ELAPOR2: variants seen among roughly 807,000 people sequenced by gnomAD.
The protein encoded by ELAPOR2 is endosome/lysosome-associated apoptosis and autophagy regulator family member 2.
Under a neutral mutation model 120.7 loss-of-function variants are expected in ELAPOR2, and 89 were observed. That is an observed-to-expected ratio of 0.74 (90% CI 0.62 to 0.88). ELAPOR2 has a LOEUF of 0.88. Ranked by LOEUF, ELAPOR2 falls within the 40% of genes least tolerant of loss-of-function variation. The pLI, the probability that ELAPOR2 is intolerant of heterozygous loss-of-function variation, is 0.00. For missense variants in ELAPOR2, 1,134 were observed against 1,251.6 expected, an observed-to-expected ratio of 0.91 and a Z score of 1.42; for synonymous variants, 444 against 444.9, an observed-to-expected ratio of 1.00 and a Z score of 0.03.
Position 86,987,265 on chromosome 7 carries a change from C to A in ELAPOR2, c.190-22241G>T, listed in dbSNP as rs187141561. On this transcript the variant is annotated intron_variant, in intron 1 of 21. Transcript: ENST00000450689. ...ACCCTAGAAGAAAACCTAGGCAATA[C>A]CATTCAGGACATAGGCATGGGAAAG... Among the ~76,000 whole-genome samples the A allele has an allele frequency of 3.8e-3, 581 of 152,220 alleles. 1 individual carries two copies. The highest frequency in any genetic ancestry group is 6.0e-3 in the Non-Finnish European group (409 of 67,994).
chr7:87,059,372 C>T lies in ELAPOR2; in HGVS notation c.142G>A (p.Gly48Arg). The T allele has an allele frequency of 8.0e-7, 1 of 1,245,856 alleles. No individual in the cohort carries two copies. The highest frequency in any genetic ancestry group is 1.0e-6 in the Non-Finnish European group (1 of 988,136). 77.2% of individuals were successfully genotyped at this position (1,245,856 alleles called of 1,614,324 possible). ...ALAGCQAAWA[G>R]DLPSSSSRPL... ...CGGCTGGAGGAGGAGGGCAGGTCCC[C>T]AGCCCAGGCCGCCTGGCAGCCGGCG... is the stretch of plus-strand genomic sequence containing the variant. The change falls in exon 1 of 22, where the codon GGG (glycine) becomes AGG (arginine). Residue 48 changes from glycine to arginine, a missense_variant. Gly to Arg is a moderately radical substitution (Grantham distance 125). Transcript: ENST00000450689.
intron 1 of ELAPOR2, among the ~76,000 whole-genome samples, chr7:87,042,466 C>T (rs935932009): frequency 4.6e-5 from 7 of 151,536 alleles, no homozygotes; most frequent in African/African-American, 1.7e-4. Flanking sequence ...TCACTCAAAA[C>T]CGCTCAACTA....
At chr7:87,016,538 G>A (rs943659306) in intron 1 of ELAPOR2, among the ~76,000 whole-genome samples, 1 of 151,720 alleles carries the variant, frequency 6.6e-6, no homozygotes, top group South Asian at 2.1e-4. Flanking sequence ...GAAATCACAG[G>A]AGAAAAGAGC....
At chr7:87,058,372 A>C (rs1344390509) in intron 1 of ELAPOR2, among the ~76,000 whole-genome samples, 1 of 152,222 alleles carries the variant, frequency 6.6e-6, no homozygotes, top group African/African-American at 2.4e-5. Context: ...ATCTTCCTAA[A>C]AACAGTATCT....
At chr7:87,039,401 C>G (rs1794688838) in intron 1 of ELAPOR2, among the ~76,000 whole-genome samples, 1 of 152,162 alleles carries the variant, frequency 6.6e-6, no homozygotes, top group Non-Finnish European at 1.5e-5. Context: ...CTTCCAAACT[C>G]ATTCTACAAG....
chr7:86,912,257 G>C lies in ELAPOR2; in HGVS notation c.1996-12C>G. ...CAAACCGAATGGTCCTTTGATTAAA[G>C]ATAAAGAAACAATATAGCAGGAAAG... is the stretch of plus-strand genomic sequence containing the variant. On this transcript the variant is annotated splice_polypyrimidine_tract_variant and intron_variant, in intron 14 of 21. Coordinates refer to ENST00000450689, the MANE Select transcript of ELAPOR2 (RefSeq NM_001142749.3). The C allele has an allele frequency of 1.5e-5, 23 of 1,560,198 alleles. No individual in the cohort carries two copies. Among genetic ancestry groups the C allele is most frequent in the Non-Finnish European group, 2.0e-5 (23 of 1,140,518 alleles).
intron 2 of ELAPOR2, among the ~76,000 whole-genome samples, chr7:86,963,236 A>C (rs1490489208): frequency 4.6e-5 from 7 of 152,224 alleles, no homozygotes. Context: ...TGCTTGCTAG[A>C]GTGTCATATT....
At chr7:86,924,750 T>G (rs1584356540) in intron 10 of ELAPOR2, among the ~76,000 whole-genome samples, 2 of 149,888 alleles carry the variant, frequency 1.3e-5, no homozygotes, top group South Asian at 4.2e-4. Flanking sequence ...TCAAGCTTTT[T>G]TTTTTGAATA....
chr7:86,941,905 T>C (rs1790810676), intron 5 of ELAPOR2, 113 bp downstream of exon 5: 1 of 614,584 alleles, frequency 1.6e-6, no homozygotes. Context: ...TCTTAAAATA[T>C]ACTTTTCTTA....
intron 7 of ELAPOR2, 111 bp downstream of exon 7, chr7:86,938,697 T>C (rs891050607): frequency 4.9e-6 from 5 of 1,022,298 alleles, no homozygotes; most frequent in Non-Finnish European, 7.4e-6. Flanking sequence ...TCCAGCACTT[T>C]GGTTTCAGGC....
intron 9 of ELAPOR2, 65 bp downstream of exon 9, chr7:86,926,670 TG>T: frequency 7.2e-7 from 1 of 1,386,366 alleles, no homozygotes; most frequent in Non-Finnish European, 9.7e-7. Flanking sequence ...ATTTAGAAAA[TG>T]GTCACAGTAG....
intron 1 of ELAPOR2, among the ~76,000 whole-genome samples, chr7:86,977,929 A>C (rs1481763893): frequency 6.6e-6 from 1 of 152,232 alleles, no homozygotes; most frequent in Non-Finnish European, 1.5e-5. Context: ...AATATGGATA[A>C]GGATGGCTTT....
chr7:86,901,053 A>C (rs1788701195), intron 18 of ELAPOR2, among the ~76,000 whole-genome samples: 1 of 152,210 alleles, frequency 6.6e-6, no homozygotes, highest in African/African-American at 2.4e-5. Flanking sequence ...TGGTTTATGC[A>C]ATCACCATAG....
chr7:86,910,950 T>A (rs1789276979), intron 15 of ELAPOR2, among the ~76,000 whole-genome samples: 1 of 151,510 alleles, frequency 6.6e-6, no homozygotes, highest in Admixed American at 6.6e-5. Flanking sequence ...TAAATTAAAA[T>A]GTTGAAGCCA....
intron 19 of ELAPOR2, among the ~76,000 whole-genome samples, chr7:86,893,774 A>C (rs1033969344): frequency 3.3e-5 from 5 of 152,250 alleles, no homozygotes; most frequent in Admixed American, 2.0e-4. Context: ...ATGTTTTTCA[A>C]ACTGCAAGTT....
chr7:87,037,573 C>G (rs77084724), intron 1 of ELAPOR2, among the ~76,000 whole-genome samples: 4,914 of 152,208 alleles, frequency 0.032, 91 homozygotes, highest in African/African-American at 0.038. Flanking sequence ...ATTTTCTCCC[C>G]GTGAGAGAGG....
At chr7:87,027,880 A>G (rs901136601) in intron 1 of ELAPOR2, among the ~76,000 whole-genome samples, 1 of 152,138 alleles carries the variant, frequency 6.6e-6, no homozygotes, top group Admixed American at 6.6e-5. Context: ...ATATCCCCAA[A>G]CTAGAAAGAG....
intron 3 of ELAPOR2, among the ~76,000 whole-genome samples, chr7:86,945,361 T>C (rs1584380939): frequency 6.6e-6 from 1 of 152,230 alleles, no homozygotes; most frequent in Admixed American, 6.5e-5. Context: ...TTCAGATATC[T>C]GCAGTTTTAT....
chr7:86,959,807 T>A (rs1791633510), intron 2 of ELAPOR2, among the ~76,000 whole-genome samples: 1 of 152,244 alleles, frequency 6.6e-6, no homozygotes. Flanking sequence ...TTCCTTGACT[T>A]GTAATGTTAG....
Sources: gnomAD v4.1 joint callset for allele counts (sites outside exome capture counted in the v4.1 genomes callset) on GRCh38, gnomAD v4.1.1 for gene constraint, MANE v1.5 for transcripts, NCBI Gene and HGNC (gene_info 2026-07-23, HGNC 2026-07-21) for gene names.